Variants in FOXO3 observed in about 807,000 individuals in gnomAD.
FOXO3 encodes forkhead box O3.
Under a neutral mutation model 41.9 loss-of-function variants are expected in FOXO3, and 4 were observed. The observed-to-expected ratio is 0.10, with a 90% confidence interval of 0.05 to 0.22. The LOEUF (loss-of-function observed/expected upper bound fraction) is 0.22, where lower values mean the gene tolerates loss of function less well. Ranked by LOEUF, FOXO3 falls within the 10% of genes least tolerant of loss-of-function variation. The probability of loss-of-function intolerance (pLI) is 1.00; values close to 1 mark genes in which losing one functional copy is unlikely to be tolerated. For missense variants in FOXO3, 534 were observed against 906.8 expected, an observed-to-expected ratio of 0.59 and a Z score of 5.28; for synonymous variants, 318 against 389.3, an observed-to-expected ratio of 0.82 and a Z score of 2.16.
chr6:108,660,570 T>C (rs1042829867), intron 1 of FOXO3, among the ~76,000 whole-genome samples: 6 of 152,196 alleles, frequency 3.9e-5, no homozygotes, highest in Non-Finnish European at 7.3e-5. Flanking sequence ...CATTCTGTGT[T>C]TTTAAAACAT....
In FOXO3 at chr6:108,682,184, T is replaced by A. The variant is rs934501836; in HGVS notation, c.*2392T>A. The A allele has an allele frequency of 6.6e-6, 1 of 152,664 alleles. No homozygotes were observed. The highest frequency in any genetic ancestry group is 2.4e-5 in the African/African-American group (1 of 41,442). The allele number at this position is 152,664 out of a possible 1,614,324, so 9.5% of individuals were successfully genotyped here. On this transcript the variant is annotated 3_prime_UTR_variant, in exon 3 of 3. Transcript: ENST00000406360. ...CCTCCAATGTGTTTCAACTTTAAAA[T>A]GTTGAATTCTTTTCAGACATGGTAT...
rs1363246617 is a variant in FOXO3 at position 108,680,279 on chromosome 6, CA to C, written c.*488del. On this transcript the variant is annotated 3_prime_UTR_variant, in exon 3 of 3. Transcript: ENST00000406360. ...GTCCTTCCCCTAGCAAATTTAAAAA[CA>C]GAAAGAAAATGTTGTACCAGTTACC... The C allele has an allele frequency of 1.3e-5, 2 of 152,592 alleles. No individual in the cohort carries two copies. Among genetic ancestry groups the C allele is most frequent in the Non-Finnish European group, 2.9e-5 (2 of 68,020 alleles). The allele number at this position is 152,592 out of a possible 1,614,324, so 9.5% of individuals were successfully genotyped here. A position where few individuals can be genotyped will look rare whatever the true frequency, so the allele number is the denominator to read the frequency against.
At chr6:108,598,508 G>C (rs1325157135) in intron 1 of FOXO3, among the ~76,000 whole-genome samples, 1 of 152,150 alleles carries the variant, frequency 6.6e-6, no homozygotes, top group Non-Finnish European at 1.5e-5. Context: ...TGAACCAGCT[G>C]TCTGTGCTGG....
intron 1 of FOXO3, among the ~76,000 whole-genome samples, chr6:108,649,606 C>A (rs930775115): frequency 7.6e-5 from 11 of 145,210 alleles, no homozygotes; most frequent in African/African-American, 2.8e-4. Flanking sequence ...CTCATGGCAA[C>A]CTCCACTTCC....
intron 1 of FOXO3, among the ~76,000 whole-genome samples, chr6:108,608,975 GT>G (rs1436717073): frequency 3.3e-5 from 5 of 152,166 alleles, no homozygotes; most frequent in Admixed American, 1.3e-4. Context: ...TAACGCTGAG[GT>G]TGCTACGGTA....
chr6:108,604,256 T>A (rs1777131443), intron 1 of FOXO3, among the ~76,000 whole-genome samples: 1 of 152,158 alleles, frequency 6.6e-6, no homozygotes, highest in South Asian at 2.1e-4. Context: ...GTGAATGAAA[T>A]AAGTAATAAA....
intron 1 of FOXO3, among the ~76,000 whole-genome samples, chr6:108,604,047 CA>C (rs1777125261): frequency 6.6e-6 from 1 of 152,116 alleles, no homozygotes; most frequent in Admixed American, 6.5e-5. Flanking sequence ...TCACATCCTG[CA>C]AACAACTGCA....
intron 1 of FOXO3, among the ~76,000 whole-genome samples, chr6:108,600,206 G>A (rs1005157877): frequency 1.3e-5 from 2 of 152,130 alleles, no homozygotes; most frequent in African/African-American, 4.8e-5. Flanking sequence ...ACAAATTGAT[G>A]TTCCATCGAT....
At chr6:108,650,492 G>T (rs146277687) in intron 1 of FOXO3, among the ~76,000 whole-genome samples, 1 of 152,302 alleles carries the variant, frequency 6.6e-6, no homozygotes, top group African/African-American at 2.4e-5. Context: ...CCCTTTGGGT[G>T]ATAGATATTA....
rs566433995 is a variant in FOXO3 at position 108,602,579 on chromosome 6, GCTGT to G, written c.621+40755_621+40758del. 2.6e-3 allele frequency among the ~76,000 whole-genome samples: 396 copies of G among 152,026 alleles called. 2 individuals carry two copies. Among genetic ancestry groups the G allele is most frequent in the African/African-American group, 9.1e-3 (378 of 41,408 alleles). On this transcript the variant is annotated intron_variant, in intron 1 of 2. Transcript: ENST00000406360. ...AATCACTGAGTTTTTGTATGTTGCT[GCTGT>G]CTGTTATTTGTCCCTCATATTTATC... is the stretch of plus-strand genomic sequence containing the variant.
intron 1 of FOXO3, among the ~76,000 whole-genome samples, chr6:108,641,798 C>A (rs1778266485): frequency 1.3e-5 from 2 of 151,398 alleles, no homozygotes; most frequent in South Asian, 4.1e-4. Context: ...AAAAAAAATA[C>A]AGAAAAAAAG....
Position 108,664,198 on chromosome 6 carries a change from G to A in FOXO3, c.1365G>A (p.Lys455=), listed in dbSNP as rs781055265. Residue 455 remains lysine (K), a synonymous_variant, in exon 2 of 3, where the codon AAG becomes AAA. Transcript: ENST00000406360. Reference sequence around the variant, plus strand: ...CCATGCAGACCATCCAAGAGAACAAGCCAGCTACCTTCTCTTCCATGTCAC... The same window carrying A: ...CCATGCAGACCATCCAAGAGAACAAACCAGCTACCTTCTCTTCCATGTCAC... ...QSPMQTIQEN[K]PATFSSMSHY... is the part of the protein sequence containing the mutation. The A allele has an allele frequency of 2.5e-5, 40 of 1,612,838 alleles. No individual in the cohort carries two copies. Among genetic ancestry groups the A allele is most frequent in the Non-Finnish European group, 2.7e-5 (32 of 1,179,322 alleles).
rs553956967 is a variant in FOXO3, at chr6:108,605,644, A to G, written c.621+43815A>G. Among the ~76,000 whole-genome samples the G allele has an allele frequency of 7.0e-4, 107 of 152,336 alleles. 1 individual carries two copies. Among genetic ancestry groups the G allele is most frequent in the Non-Finnish European group, 1.3e-3 (89 of 68,030 alleles). On this transcript the variant is annotated intron_variant, in intron 1 of 2. Coordinates refer to ENST00000406360, the MANE Select transcript of FOXO3 (RefSeq NM_001455.4). ...TGGGATTACAGGTCTGATTTCAGAA[A>G]TGGTTCAGGGATGATTAGAATTATC...
intron 1 of FOXO3, among the ~76,000 whole-genome samples, chr6:108,636,926 A>G (rs999793727): frequency 3.9e-5 from 6 of 152,158 alleles, no homozygotes; most frequent in Non-Finnish European, 8.8e-5. Context: ...AAGCACCTCT[A>G]TTTAAATCCC....
intron 1 of FOXO3, among the ~76,000 whole-genome samples, chr6:108,651,521 A>G (rs988547378): frequency 1.3e-5 from 2 of 152,230 alleles, no homozygotes; most frequent in African/African-American, 4.8e-5. Flanking sequence ...CAAGACAAAA[A>G]GGAACGGTTT....
In FOXO3 at chr6:108,585,022, C is replaced by CTTTTTTTTTTTTTTT. The variant is rs1159028928; in HGVS notation, c.621+23209_621+23223dup. Among the ~76,000 whole-genome samples, 6 of 51,530 alleles carry CTTTTTTTTTTTTTTT rather than the reference C, an allele frequency of 1.2e-4. 1 individual carries two copies. Among genetic ancestry groups the CTTTTTTTTTTTTTTT allele is most frequent in the Non-Finnish European group, 1.6e-4 (5 of 30,582 alleles). The allele number at this position is 51,530 out of a possible 152,430, so 33.8% of individuals were successfully genotyped here. On this transcript the variant is annotated intron_variant, in intron 1 of 2. Transcript: ENST00000406360. ...CACCAAGAATTGCTATCTCCAAAAT[C>CTTTTTTTTTTTTTTT]TTTTTTTTTTTTTTTTTTTTTTTTT...
At chr6:108,594,853 A>G (rs541126672) in intron 1 of FOXO3, among the ~76,000 whole-genome samples, 123 of 152,298 alleles carry the variant, frequency 8.1e-4, no homozygotes, top group Non-Finnish European at 1.5e-3. Context: ...GCCAGTCCCT[A>G]TGCTGTGAGA....
chr6:108,627,463 AT>A (rs1455521120), intron 1 of FOXO3, among the ~76,000 whole-genome samples: 1 of 152,188 alleles, frequency 6.6e-6, no homozygotes, highest in Non-Finnish European at 1.5e-5. Flanking sequence ...AAAGGATAAA[AT>A]AAAAGAAACA....
At chr6:108,642,485 T>A (rs1188803311) in intron 1 of FOXO3, among the ~76,000 whole-genome samples, 1 of 152,104 alleles carries the variant, frequency 6.6e-6, no homozygotes, top group Non-Finnish European at 1.5e-5. Flanking sequence ...ATCAGGATAA[T>A]ATGCAGGATA....
Sources: allele counts gnomAD v4.1 joint callset (sites outside exome capture counted in the v4.1 genomes callset), GRCh38; gene constraint gnomAD v4.1.1; transcripts MANE v1.5; gene names NCBI Gene and HGNC (gene_info 2026-07-23, HGNC 2026-07-21).